Variants in TMEM132C observed in about 807,000 individuals in gnomAD.
TMEM132C encodes transmembrane protein 132C.
In TMEM132C, 29 loss-of-function variants were observed where a neutral mutation model predicts 61.4. The ratio of observed to expected loss-of-function variants is 0.47; its 90% confidence interval spans 0.35 to 0.64. TMEM132C has a LOEUF of 0.64. Among genes scored for constraint, TMEM132C ranks in the 30% least tolerant of loss-of-function variants. The probability of loss-of-function intolerance (pLI) is 0.00; values close to 1 mark genes in which losing one functional copy is unlikely to be tolerated. For missense variants in TMEM132C, 1,408 were observed against 1,476.9 expected (o/e 0.95, Z 0.76); for synonymous variants, 656 against 633.1 (o/e 1.04, Z -0.54).
rs560288692 is a variant in TMEM132C, at chr12:128,325,652, A to G, written c.85+58165A>G. 3.3e-5 allele frequency among the ~76,000 whole-genome samples: 5 copies of G among 152,280 alleles called. No homozygotes were observed. In the East Asian group the frequency reaches 9.7e-4, roughly 29 times the overall value. On this transcript the variant is annotated intron_variant, in intron 1 of 8. Coordinates refer to ENST00000435159, the MANE Select transcript of TMEM132C (RefSeq NM_001136103.3). ...GTCTTGGAGATGTTTTCATGGTAGC[A>G]TGGACCTCCCTGTATGCTTTTACAT... is the stretch of plus-strand genomic sequence containing the variant.
At chr12:128,457,158 C>T (rs1323805148) in intron 2 of TMEM132C, among the ~76,000 whole-genome samples, 1 of 152,064 alleles carries the variant, frequency 6.6e-6, no homozygotes, top group Non-Finnish European at 1.5e-5. Flanking sequence ...GAAATTGCTG[C>T]TCATAGGGTA....
At chr12:128,690,976 A>G (rs770993635) in intron 5 of TMEM132C, among the ~76,000 whole-genome samples, 2 of 152,202 alleles carry the variant, frequency 1.3e-5, no homozygotes, top group Non-Finnish European at 2.9e-5. Flanking sequence ...ATCAGATTAT[A>G]AGAGTTCTTT....
intron 2 of TMEM132C, among the ~76,000 whole-genome samples, chr12:128,425,503 C>G (rs962328972): frequency 6.6e-6 from 1 of 152,230 alleles, no homozygotes; most frequent in African/African-American, 2.4e-5. Flanking sequence ...TTGACTGTGT[C>G]TCTCGGTTTA....
chr12:128,484,866 G>A (rs1024040707), intron 2 of TMEM132C, among the ~76,000 whole-genome samples: 1 of 152,130 alleles, frequency 6.6e-6, no homozygotes, highest in Non-Finnish European at 1.5e-5. Context: ...GCTGAGGCAG[G>A]AGGATCACTT....
intron 2 of TMEM132C, among the ~76,000 whole-genome samples, chr12:128,540,047 CA>C (rs1483418169): frequency 6.6e-6 from 1 of 151,936 alleles, no homozygotes; most frequent in Non-Finnish European, 1.5e-5. Flanking sequence ...TCCTATCTTC[CA>C]CTTCGTCTTT....
intron 6 of TMEM132C, among the ~76,000 whole-genome samples, chr12:128,694,591 G>C (rs2135653541): frequency 6.6e-6 from 1 of 152,292 alleles, no homozygotes; most frequent in Non-Finnish European, 1.5e-5. Flanking sequence ...CTAAGTGAAG[G>C]TGTTCCTGAG....
At chr12:128,382,984 GTGTC>G (rs1483428212) in intron 1 of TMEM132C, among the ~76,000 whole-genome samples, 19 of 152,036 alleles carry the variant, frequency 1.2e-4, no homozygotes, top group Admixed American at 1.2e-3. Context: ...GTCTGTCTCT[GTGTC>G]TGTATGTATC....
chr12:128,543,903 G>T (rs1177808648), intron 2 of TMEM132C, 54 bp from the exon 3 acceptor site: 1 of 1,514,464 alleles, frequency 6.6e-7, no homozygotes, highest in Non-Finnish European at 8.8e-7. Context: ...GGGCACGTTG[G>T]AAAGGCCAAG....
intron 1 of TMEM132C, among the ~76,000 whole-genome samples, chr12:128,321,140 ATAATAAT>A (rs1872318307): frequency 4.7e-5 from 3 of 63,202 alleles, no homozygotes; most frequent in African/African-American, 2.6e-4. Context: ...TTTTTGAAAA[ATAATAAT>A]AATAATAATA....
intron 4 of TMEM132C, among the ~76,000 whole-genome samples, chr12:128,638,980 ATGG>A (rs1565999047): frequency 1.8e-4 from 21 of 114,790 alleles, no homozygotes; most frequent in African/African-American, 2.6e-4. Flanking sequence ...GATGGTGATG[ATGG>A]TGGTGATGGT....
chr12:128,557,992 G>A (rs371290782), intron 3 of TMEM132C, among the ~76,000 whole-genome samples: 7 of 152,312 alleles, frequency 4.6e-5, no homozygotes, highest in African/African-American at 7.2e-5. Context: ...CGTGGAAGTC[G>A]CGCGGTTTCG....
chr12:128,665,621 G>GCACACA (rs139344256), intron 4 of TMEM132C, among the ~76,000 whole-genome samples: 14,726 of 119,994 alleles, frequency 0.12, 907 homozygotes, highest in East Asian at 0.18. Flanking sequence ...CCAAACACAG[G>GCACACA]CACACACACA....
intron 1 of TMEM132C, among the ~76,000 whole-genome samples, chr12:128,331,305 G>T (rs1040475154): frequency 3.9e-5 from 6 of 152,144 alleles, no homozygotes; most frequent in Non-Finnish European, 7.4e-5. Context: ...TATTCTAATT[G>T]TTTTAATGTA....
At chr12:128,514,526 C>T (rs1031808048) in intron 2 of TMEM132C, among the ~76,000 whole-genome samples, 8 of 148,262 alleles carry the variant, frequency 5.4e-5, no homozygotes, top group Non-Finnish European at 1.2e-4. Context: ...TGGTGGCAGG[C>T]GGGGTGCGGG....
chr12:128,504,809 A>AGGTGGGGGTGGG (rs982275818), intron 2 of TMEM132C, among the ~76,000 whole-genome samples: 1 of 2,558 alleles, frequency 3.9e-4, no homozygotes, highest in Non-Finnish European at 6.9e-4. Context: ...ACATGAATTT[A>AGGTGGGGGTGGG]GGTGGGGGTG....
chr12:128,353,779 C>G (rs903084248), intron 1 of TMEM132C, among the ~76,000 whole-genome samples: 1 of 152,032 alleles, frequency 6.6e-6, no homozygotes, highest in Non-Finnish European at 1.5e-5. Context: ...TAGTAGTGGC[C>G]GCAACCTGGT....
intron 1 of TMEM132C, among the ~76,000 whole-genome samples, chr12:128,301,763 A>C (rs568319911): frequency 1.1e-4 from 17 of 152,300 alleles, no homozygotes; most frequent in Admixed American, 3.9e-4. Flanking sequence ...GTATTGTATT[A>C]GTCCATTTTC....
chr12:128,589,589 C>A (rs1875681153), intron 3 of TMEM132C, among the ~76,000 whole-genome samples: 1 of 139,538 alleles, frequency 7.2e-6, no homozygotes, highest in Admixed American at 8.1e-5. Context: ...TTCCCTGATT[C>A]TTTATTATCT....
chr12:128,558,925 A>G (rs1296295204), intron 3 of TMEM132C, among the ~76,000 whole-genome samples: 1 of 152,182 alleles, frequency 6.6e-6, no homozygotes, highest in Non-Finnish European at 1.5e-5. Context: ...TATAATCTTG[A>G]TTTATTTGGG....
Sources: gnomAD v4.1 joint callset for allele counts (sites outside exome capture counted in the v4.1 genomes callset) on GRCh38, gnomAD v4.1.1 for gene constraint, MANE v1.5 for transcripts, NCBI Gene and HGNC (gene_info 2026-07-23, HGNC 2026-07-21) for gene names.